The following TMEM17 variants were observed in gnomAD, a reference collection of about 807,000 sequenced individuals.
TMEM17 encodes transmembrane protein 17.
TMEM17 carries 15 observed loss-of-function variants against 19.1 expected under a neutral mutation model. The ratio of observed to expected loss-of-function variants is 0.78; its 90% CI spans 0.52 to 1.21. The LOEUF (loss-of-function observed/expected upper bound fraction) is 1.21, where lower values mean the gene tolerates loss of function less well. Among genes scored for constraint, TMEM17 ranks in the 50% most tolerant of loss-of-function variants. The pLI is 0.00. For synonymous variants in TMEM17, 103 were observed against 86.9 expected, an observed-to-expected ratio of 1.19 and a Z score of -1.03; for missense variants, 245 against 242.3, an observed-to-expected ratio of 1.01 and a Z score of -0.07.
chr2:62,487,350 C>T, the TMEM17 span, among the ~76,000 whole-genome samples: 7 of 152,292 alleles, frequency 4.6e-5, 2 homozygotes, highest in South Asian at 4.1e-4. Context: ...TTCCTCATTT[C>T]GGTTCTCTTG....
the TMEM17 span, among the ~76,000 whole-genome samples, chr2:62,456,092 G>A: frequency 6.6e-6 from 1 of 152,234 alleles, no homozygotes; most frequent in Non-Finnish European, 1.5e-5. Flanking sequence ...GGTTTATCGG[G>A]TTCACTGTTT....
downstream of TMEM17, among the ~76,000 whole-genome samples, chr2:62,498,608 T>C (rs1337218901): frequency 2.9e-4 from 42 of 142,682 alleles, no homozygotes; most frequent in South Asian, 6.4e-3. Context: ...CCCAGCTACT[T>C]GGGAGGCTGA....
At chr2:62,504,914 A>G (rs1396911774) in intron 1 of TMEM17, among the ~76,000 whole-genome samples, 1 of 152,226 alleles carries the variant, frequency 6.6e-6, no homozygotes, top group Non-Finnish European at 1.5e-5. Context: ...TGGCCTACAA[A>G]GTCTAAAATA....
rs750133218 is a variant in TMEM17, at chr2:62,502,548, A to G, written c.207T>C (p.Tyr69=). ...ATTTGTAGTAGTCAGGTAAGATTGA[A>G]TACTAAAAGAAAAGCCAAAACATGT... ...VSSIMMLHMK[Y]SILPDYYKFI... is the part of the protein sequence containing the mutation. The change falls in exon 3 of 4, where the codon TAT becomes TAC. Residue 69 remains tyrosine, a splice_region_variant and synonymous_variant. Coordinates refer to ENST00000335390, the MANE Select transcript of TMEM17 (RefSeq NM_198276.3). 4 of 1,575,092 alleles carry G rather than the reference A, an allele frequency of 2.5e-6. No individual in the cohort carries two copies. Among genetic ancestry groups the G allele is most frequent in the South Asian group, 1.1e-5 (1 of 87,176 alleles).
chr2:62,463,344 A>G, the TMEM17 span: 1 of 152,358 alleles, frequency 6.6e-6, no homozygotes, highest in South Asian at 2.1e-4. Flanking sequence ...GAGCTGTAGT[A>G]TCTTGTCTAT....
the TMEM17 span, among the ~76,000 whole-genome samples, chr2:62,456,399 A>ATC: frequency 2.0e-5 from 3 of 152,174 alleles, no homozygotes; most frequent in Non-Finnish European, 4.4e-5. Context: ...GCATTTCCAA[A>ATC]TCTCTCTCTC....
At chr2:62,487,637 A>G in the TMEM17 span, among the ~76,000 whole-genome samples, 17 of 152,352 alleles carry the variant, frequency 1.1e-4, 1 homozygote, top group South Asian at 3.5e-3. Flanking sequence ...TAAAGAAGCT[A>G]AAGTATGAGT....
chr2:62,502,420 A>G lies in TMEM17; in HGVS notation c.318+17T>C. The G allele has an allele frequency of 6.6e-7, 1 of 1,511,200 alleles. No individual in the cohort carries two copies. The highest frequency in any genetic ancestry group is 9.2e-7 in the Non-Finnish European group (1 of 1,091,022). The allele number at this position is 1,511,200 out of a possible 1,614,324, so 93.6% of individuals were successfully genotyped here. On this transcript the variant is annotated intron_variant, in intron 3 of 3. Coordinates refer to ENST00000335390, the MANE Select transcript of TMEM17 (RefSeq NM_198276.3). ...TCATTTATATCTATCACTGAGAGAA[A>G]GGAAAAAAGAGCTTACCTTCTCCTG...
chr2:62,505,827 C>G (rs1405323187), intron 1 of TMEM17, among the ~76,000 whole-genome samples: 3 of 152,218 alleles, frequency 2.0e-5, no homozygotes, highest in South Asian at 2.1e-4. Context: ...CACGCGGAGA[C>G]CAGGCCCGGC....
chr2:62,506,010 ACCGGG>A lies in TMEM17; in HGVS notation c.100+15_100+19del. 2.5e-6 allele frequency: 4 copies of A among 1,598,066 alleles called. No individual in the cohort carries two copies. The highest frequency in any genetic ancestry group is 3.4e-6 in the Non-Finnish European group (4 of 1,171,246). On this transcript the variant is annotated intron_variant, in intron 1 of 3. Transcript: ENST00000335390. ...GCCCTCGGCAGGCCACACCCCCTGC[ACCGGG>A]CCTCGGTCACTCACCCGGACCCTCA...
chr2:62,475,831 T>C, the TMEM17 span, among the ~76,000 whole-genome samples: 1 of 152,306 alleles, frequency 6.6e-6, no homozygotes, highest in African/African-American at 2.4e-5. Context: ...TGACTACACT[T>C]GCGGCTGTGC....
chr2:62,489,452 T>G, the TMEM17 span, among the ~76,000 whole-genome samples: 1 of 152,372 alleles, frequency 6.6e-6, no homozygotes, highest in East Asian at 1.9e-4. Flanking sequence ...GGATCACATG[T>G]TGACTCATGA....
chr2:62,498,726 T>A (rs5027760), downstream of TMEM17, among the ~76,000 whole-genome samples: 54,631 of 133,388 alleles, frequency 0.41, 10,873 homozygotes, highest in African/African-American at 0.43. Flanking sequence ...AAAAATAAAA[T>A]AAAATAAAAT....
intron 2 of TMEM17, 27 bp from the exon 3 acceptor site, chr2:62,502,577 T>C: frequency 6.6e-7 from 1 of 1,519,850 alleles, no homozygotes; most frequent in South Asian, 1.2e-5. Flanking sequence ...AACATGTTTG[T>C]AAAATCTCAT....
chr2:62,480,284 A>G, the TMEM17 span, among the ~76,000 whole-genome samples: 1 of 150,968 alleles, frequency 6.6e-6, no homozygotes, highest in African/African-American at 2.4e-5. Context: ...TTCCGTTGAG[A>G]TATTTGAGTT....
At chr2:62,458,769 C>T in the TMEM17 span, among the ~76,000 whole-genome samples, 1,690 of 152,232 alleles carry the variant, frequency 0.011, 34 homozygotes, top group African/African-American at 0.039. Flanking sequence ...CAACTCAGGG[C>T]GAGGCAATGC....
chr2:62,476,954 T>C, the TMEM17 span, among the ~76,000 whole-genome samples: 1 of 152,046 alleles, frequency 6.6e-6, no homozygotes. Context: ...TAAGGGATGG[T>C]GTGCAGGTGG....
At chr2:62,477,685 G>A in the TMEM17 span, among the ~76,000 whole-genome samples, 1 of 152,226 alleles carries the variant, frequency 6.6e-6, no homozygotes, top group East Asian at 1.9e-4. Context: ...AGGCTGAGAT[G>A]GGAGGCAGAA....
rs1325594870 is a variant in TMEM17 at position 62,502,191 on chromosome 2, T to C, written c.318+246A>G. The C allele has an allele frequency of 3.6e-5, 10 of 275,994 alleles. No homozygotes were observed. In the South Asian group the frequency reaches 8.6e-4, roughly 24 times the overall value. The allele number at this position is 275,994 out of a possible 1,614,324, so 17.1% of individuals were successfully genotyped here. ...AAGTGTTTACTACATTCATATACTT[T>C]ACATAAATCATTTCACTTAATCACA... On this transcript the variant is annotated intron_variant, in intron 3 of 3. Transcript: ENST00000335390.
Sources: allele counts gnomAD v4.1 joint callset (sites outside exome capture counted in the v4.1 genomes callset), GRCh38; gene constraint gnomAD v4.1.1; transcripts MANE v1.5; gene names NCBI Gene and HGNC (gene_info 2026-07-23, HGNC 2026-07-21).